Variants in VPS13A observed in about 807,000 individuals in gnomAD.
The protein encoded by VPS13A is intermembrane lipid transfer protein VPS13A.
In VPS13A, 264 loss-of-function variants were observed where a neutral mutation model predicts 390.9. The observed-to-expected ratio is 0.68, with a 90% confidence interval of 0.61 to 0.75. The LOEUF (loss-of-function observed/expected upper bound fraction) is 0.75. Among genes scored for constraint, VPS13A ranks in the 30% least tolerant of loss-of-function variants. VPS13A has a pLI of 0.00. For missense variants in VPS13A, 3,409 were observed against 3,733.9 expected (o/e 0.91, Z 2.27); for synonymous variants, 1,231 against 1,227.1 (o/e 1.00, Z -0.07).
chr9:77,349,126 A>C (rs907201310), intron 52 of VPS13A, among the ~76,000 whole-genome samples: 6 of 152,186 alleles, frequency 3.9e-5, no homozygotes, highest in African/African-American at 1.4e-4. Context: ...AAAATGTGAA[A>C]GAGGACCATA....
intron 27 of VPS13A, among the ~76,000 whole-genome samples, chr9:77,281,394 T>C (rs1224059440): frequency 1.3e-5 from 2 of 152,136 alleles, no homozygotes; most frequent in Non-Finnish European, 2.9e-5. Context: ...AAACATCACA[T>C]TGTCCTCCAT....
At chr9:77,250,294 CTT>C in intron 21 of VPS13A, 65 bp downstream of exon 21, 1 of 1,539,468 alleles carries the variant, frequency 6.5e-7, no homozygotes, top group South Asian at 1.1e-5. Context: ...TTTTTAGACA[CTT>C]TGAAGACCTT....
chr9:77,321,270 C>T lies in VPS13A; in HGVS notation c.5517C>T (p.Asp1839=), dbSNP rs2131448452. Residue 1839 remains aspartate, a synonymous_variant, in exon 43 of 72, where the codon GAC becomes GAT. Coordinates refer to ENST00000360280, the MANE Select transcript of VPS13A (RefSeq NM_033305.3). ...YKTVISFHSK[D]QLNITLSKCG... Reference sequence around the variant, plus strand: ...CTGTCATCAGTTTCCATTCAAAAGACCAATTAAACATTACATTATCCAAAT... The same window carrying T: ...CTGTCATCAGTTTCCATTCAAAAGATCAATTAAACATTACATTATCCAAAT... The T allele has an allele frequency of 6.2e-7, 1 of 1,610,778 alleles. No homozygotes were observed. The highest frequency in any genetic ancestry group is 8.5e-7 in the Non-Finnish European group (1 of 1,178,000).
chr9:77,345,036 T>C lies in VPS13A; in HGVS notation c.7183T>C (p.Leu2395=), dbSNP rs746540291. Reference sequence around the variant, plus strand: ...TGGAGGTATTATAGCAGAAGTGAATTTGGCCGAGCATTCTACAGTTATTAC... The same window carrying C: ...TGGAGGTATTATAGCAGAAGTGAATCTGGCCGAGCATTCTACAGTTATTAC... ...ELGGIIAEVN[L]AEHSTVITFL... is the part of the protein sequence containing the mutation. The change falls in exon 52 of 72, where the codon TTG becomes CTG. Residue 2395 remains leucine (L), a synonymous_variant. Coordinates refer to ENST00000360280, the MANE Select transcript of VPS13A (RefSeq NM_033305.3). 6.2e-7 allele frequency: 1 copy of C among 1,612,830 alleles called. No homozygotes were observed. The highest frequency in any genetic ancestry group is 8.5e-7 in the Non-Finnish European group (1 of 1,179,858).
At chr9:77,296,068 G>A (rs928286264) in intron 33 of VPS13A, among the ~76,000 whole-genome samples, 3 of 152,078 alleles carry the variant, frequency 2.0e-5, no homozygotes, top group African/African-American at 7.2e-5. Context: ...AGGTAATTAG[G>A]AAAACTATAA....
chr9:77,194,314 G>C (rs1244692510), intron 1 of VPS13A, among the ~76,000 whole-genome samples: 1 of 151,852 alleles, frequency 6.6e-6, no homozygotes, highest in Non-Finnish European at 1.5e-5. Flanking sequence ...ATTGCAATTG[G>C]ATGTGGCCAG....
chr9:77,404,724 T>C (rs1834522818), intron 69 of VPS13A, among the ~76,000 whole-genome samples: 1 of 152,310 alleles, frequency 6.6e-6, no homozygotes, highest in Non-Finnish European at 1.5e-5. Flanking sequence ...TAAAACGTGA[T>C]GGTTATACTT....
At position 77,282,250 on chromosome 9, in the gene VPS13A, A is replaced by G; in HGVS notation, c.3094A>G (p.Lys1032Glu). Reference sequence around the variant, plus strand: ...AGTGTCCACTACAGAGACTGAAGACAAAGGAGATGTCATTAAAAAATTAGG... The same window carrying G: ...AGTGTCCACTACAGAGACTGAAGACGAAGGAGATGTCATTAAAAAATTAGG... ...APVSTTETEDKGDVIKKLALK... is the reference protein window; with the variant it reads ...APVSTTETEDEGDVIKKLALK... Residue 1032 changes from lysine to glutamate, a missense_variant, in exon 29 of 72, where the codon AAA becomes GAA. Transcript: ENST00000360280. 6.2e-7 allele frequency: 1 copy of G among 1,613,162 alleles called. No homozygotes were observed. Among genetic ancestry groups the G allele is most frequent in the Non-Finnish European group, 8.5e-7 (1 of 1,179,682 alleles).
At chr9:77,366,552 G>A (rs1304860645) in intron 60 of VPS13A, among the ~76,000 whole-genome samples, 175 bp from the exon 61 acceptor site, 1 of 152,036 alleles carries the variant, frequency 6.6e-6, no homozygotes, top group Non-Finnish European at 1.5e-5. Flanking sequence ...TTTAAATAGA[G>A]CTATGTTAGA....
At chr9:77,316,497 C>G (rs760360926) in intron 39 of VPS13A, 91 bp downstream of exon 39, 88 of 1,045,362 alleles carry the variant, frequency 8.4e-5, no homozygotes, top group Middle Eastern at 6.0e-4. Context: ...TACATGCTTT[C>G]CAACCTTGCT....
At chr9:77,383,405 G>C (rs981672255) in intron 68 of VPS13A, among the ~76,000 whole-genome samples, 2 of 152,004 alleles carry the variant, frequency 1.3e-5, no homozygotes, top group Non-Finnish European at 2.9e-5. Flanking sequence ...TTGGAAGATA[G>C]TAAATTTGCA....
At chr9:77,278,316 G>A (rs1466212698) in intron 26 of VPS13A, among the ~76,000 whole-genome samples, 7 of 143,412 alleles carry the variant, frequency 4.9e-5, no homozygotes, top group Admixed American at 3.0e-4. Flanking sequence ...CTCGTGATCC[G>A]CCCGCCTTGG....
At chr9:77,382,755 A>G in intron 68 of VPS13A, 2 of 985,826 alleles carry the variant, frequency 2.0e-6, no homozygotes, top group Non-Finnish European at 1.2e-6. Context: ...TAGTCTTTAT[A>G]AAACTTGTGG....
In VPS13A at chr9:77,344,523, C is replaced by T. The variant is rs554777124; in HGVS notation, c.7155+242C>T. ...CTGTAACACCAGCACTTTGGGAGGC[C>T]GAGGCAGGCGGATCAGGAGGTCAGG... On this transcript the variant is annotated intron_variant, in intron 51 of 71. Coordinates refer to ENST00000360280, the MANE Select transcript of VPS13A (RefSeq NM_033305.3). Among the ~76,000 whole-genome samples, 17 of 152,040 alleles carry T rather than the reference C, an allele frequency of 1.1e-4. No individual in the cohort carries two copies. The East Asian group carries it at 1.9e-3, about 17-fold the overall frequency.
chr9:77,326,144 A>G (rs1270015305), intron 45 of VPS13A, among the ~76,000 whole-genome samples: 1 of 151,974 alleles, frequency 6.6e-6, no homozygotes, highest in Non-Finnish European at 1.5e-5. Flanking sequence ...TTGCTTTTCT[A>G]CAAAATGTGT....
chr9:77,382,176 G>T, intron 68 of VPS13A, 89 bp downstream of exon 68: 1 of 1,319,480 alleles, frequency 7.6e-7, no homozygotes. Flanking sequence ...TAAATTATTT[G>T]GGCTTTTATC....
At chr9:77,351,639 G>T (rs1001376018) in intron 53 of VPS13A, among the ~76,000 whole-genome samples, 193 bp downstream of exon 53, 1 of 152,132 alleles carries the variant, frequency 6.6e-6, no homozygotes, top group African/African-American at 2.4e-5. Context: ...GGGAGGCCAA[G>T]GCAGGCGGAT....
intron 54 of VPS13A, among the ~76,000 whole-genome samples, chr9:77,355,140 T>C (rs1168895001): frequency 6.6e-6 from 1 of 152,226 alleles, no homozygotes; most frequent in Non-Finnish European, 1.5e-5. Flanking sequence ...ACTGTCTGTT[T>C]CAAAGGAACT....
intron 31 of VPS13A, among the ~76,000 whole-genome samples, chr9:77,284,280 A>C (rs1452851122): frequency 6.6e-6 from 1 of 152,152 alleles, no homozygotes; most frequent in Admixed American, 6.5e-5. Flanking sequence ...GATCAGGAAA[A>C]ACTGAAGTAC....
Sources: allele counts gnomAD v4.1 joint callset (sites outside exome capture counted in the v4.1 genomes callset), GRCh38; gene constraint gnomAD v4.1.1; transcripts MANE v1.5; gene names NCBI Gene and HGNC (gene_info 2026-07-23, HGNC 2026-07-21).